GALNT2: variants seen among roughly 807,000 people sequenced by gnomAD.
GALNT2 encodes the protein UDP-GalNAc:polypeptide N-acetylgalactosaminyltransferase 2.
A neutral mutation model predicts 81.4 loss-of-function variants in GALNT2; 31 were observed. The ratio of observed to expected loss-of-function variants is 0.38; its 90% CI spans 0.29 to 0.51. The LOEUF is 0.51. Among genes scored for constraint, GALNT2 ranks in the 20% least tolerant of loss-of-function variants. GALNT2 has a pLI of 0.87. For synonymous variants in GALNT2, 303 were observed against 287.4 expected, an observed-to-expected ratio of 1.05 and a Z score of -0.55; for missense variants, 629 against 765.7, an observed-to-expected ratio of 0.82 and a Z score of 2.11.
intron 1 of GALNT2, among the ~76,000 whole-genome samples, chr1:230,160,064 G>A (rs1211241505): frequency 6.6e-6 from 1 of 152,150 alleles, no homozygotes; most frequent in African/African-American, 2.4e-5. Flanking sequence ...TCTGCTCACT[G>A]ATCAGACGAT....
Position 230,197,137 on chromosome 1 carries a change from G to A in GALNT2, c.221-6000G>A, listed in dbSNP as rs535695728. ...CTCCACCTGACATGGGACCTGTCTCGCATCTCCCCCTGCCTGAAACAAGCA... is the reference window on the plus strand; with the variant it reads ...CTCCACCTGACATGGGACCTGTCTCACATCTCCCCCTGCCTGAAACAAGCA... On this transcript the variant is annotated intron_variant, in intron 2 of 15. Coordinates refer to ENST00000366672, the MANE Select transcript of GALNT2 (RefSeq NM_004481.5). Among the ~76,000 whole-genome samples, 6 of 152,064 alleles carry A rather than the reference G, an allele frequency of 3.9e-5. 1 individual carries two copies. The highest frequency in any genetic ancestry group is 1.2e-4 in the African/African-American group (5 of 41,460).
At chr1:230,120,861 C>T (rs955463198) in intron 1 of GALNT2, among the ~76,000 whole-genome samples, 2 of 152,186 alleles carry the variant, frequency 1.3e-5, no homozygotes, top group Admixed American at 6.5e-5. Context: ...CTGCTTCCAC[C>T]CCTTGGATAA....
chr1:230,089,372 G>A (rs1299727091), intron 1 of GALNT2, among the ~76,000 whole-genome samples: 2 of 151,898 alleles, frequency 1.3e-5, no homozygotes, highest in Non-Finnish European at 2.9e-5. Flanking sequence ...TGTTGGCCAG[G>A]CTGGTCTTGA....
At chr1:230,241,298 A>G (rs542684530) in intron 6 of GALNT2, among the ~76,000 whole-genome samples, 2 of 152,230 alleles carry the variant, frequency 1.3e-5, no homozygotes, top group African/African-American at 4.8e-5. Flanking sequence ...TGTGGATGAT[A>G]TGTTGTAGAA....
At chr1:230,216,896 C>T (rs1375552817) in intron 3 of GALNT2, among the ~76,000 whole-genome samples, 1 of 152,166 alleles carries the variant, frequency 6.6e-6, no homozygotes, top group African/African-American at 2.4e-5. Flanking sequence ...ATCCACACCT[C>T]TTTGGAAATT....
intron 1 of GALNT2, among the ~76,000 whole-genome samples, chr1:230,093,069 C>G (rs1660142849): frequency 6.6e-6 from 1 of 152,194 alleles, no homozygotes; most frequent in African/African-American, 2.4e-5. Flanking sequence ...CGATTGTGCT[C>G]TAGTCCCCCT....
At chr1:230,101,665 G>C (rs1660407117) in intron 1 of GALNT2, among the ~76,000 whole-genome samples, 1 of 152,236 alleles carries the variant, frequency 6.6e-6, no homozygotes. Flanking sequence ...AACAACATAA[G>C]AGTGATGGAG....
intron 3 of GALNT2, among the ~76,000 whole-genome samples, chr1:230,215,537 AAAAACACCTGAGTGTTT>A (rs1664363360): frequency 6.6e-6 from 1 of 152,250 alleles, no homozygotes; most frequent in Non-Finnish European, 1.5e-5. Context: ...TGGAAGCAGG[AAAAACACCTGAGTGTTT>A]TATTTGGAAT....
intron 2 of GALNT2, among the ~76,000 whole-genome samples, chr1:230,192,070 C>T (rs1663545043): frequency 6.6e-6 from 1 of 152,240 alleles, no homozygotes; most frequent in South Asian, 2.1e-4. Context: ...TCAGTCACTC[C>T]AGGGTGGAGA....
At chr1:230,166,292 CTTGT>C (rs879846424) in intron 1 of GALNT2, among the ~76,000 whole-genome samples, 3 of 152,272 alleles carry the variant, frequency 2.0e-5, no homozygotes, top group African/African-American at 4.8e-5. Context: ...CTATGTATTT[CTTGT>C]TTGTTAGGAA....
At chr1:230,134,053 C>T (rs1469172587) in intron 1 of GALNT2, among the ~76,000 whole-genome samples, 1 of 151,192 alleles carries the variant, frequency 6.6e-6, no homozygotes, top group Non-Finnish European at 1.5e-5. Context: ...TTACATATTA[C>T]TCTGATACTT....
At chr1:230,108,600 G>A in intron 1 of GALNT2, among the ~76,000 whole-genome samples, 1 of 152,232 alleles carries the variant, frequency 6.6e-6, no homozygotes, top group Non-Finnish European at 1.5e-5. Context: ...GACACTGTAA[G>A]TTGGAAACAT....
intron 1 of GALNT2, among the ~76,000 whole-genome samples, chr1:230,164,298 T>C (rs558620558): frequency 1.3e-5 from 2 of 152,302 alleles, no homozygotes; most frequent in African/African-American, 4.8e-5. Flanking sequence ...TCTCTCCTTG[T>C]GTGTGTGATT....
chr1:230,137,901 C>G (rs116540865), intron 1 of GALNT2, among the ~76,000 whole-genome samples: 1 of 152,194 alleles, frequency 6.6e-6, no homozygotes, highest in Non-Finnish European at 1.5e-5. Context: ...TCCTTCAAGT[C>G]TTTAAACAGC....
At position 230,243,319 on chromosome 1, in the gene GALNT2, A is replaced by G. The variant is rs772780493; in HGVS notation, c.621A>G (p.Ser207=). ...TCGCCTCTGCAGGCCTCATGCGCTC[A>G]CGGGTTCGGGGGGCCGATGCTGCCC... The part of the protein sequence containing the change: ...RNDRREGLMR[S]RVRGADAAQA... The change falls in exon 7 of 16, where the codon TCA becomes TCG. Residue 207 remains serine, a synonymous_variant. Transcript: ENST00000366672. The surrounding 1 kb of genome is among the most constrained non-coding windows in gnomAD (Gnocchi z 4.2). The G allele has an allele frequency of 1.2e-6, 2 of 1,606,422 alleles. No homozygotes were observed. Among genetic ancestry groups the G allele is most frequent in the Non-Finnish European group, 1.7e-6 (2 of 1,178,868 alleles).
chr1:230,121,728 C>T (rs55697424), intron 1 of GALNT2, among the ~76,000 whole-genome samples: 24,973 of 151,976 alleles, frequency 0.16, 2,138 homozygotes, highest in South Asian at 0.23. Flanking sequence ...GGAGTCAGTC[C>T]CTTCAGCAGC....
chr1:230,199,486 C>T (rs1663818293), intron 2 of GALNT2, among the ~76,000 whole-genome samples: 1 of 152,064 alleles, frequency 6.6e-6, no homozygotes. Flanking sequence ...CGAGAGATAC[C>T]TAAAACAAAA....
At chr1:230,181,839 C>T (rs1663170264) in intron 2 of GALNT2, among the ~76,000 whole-genome samples, 1 of 152,140 alleles carries the variant, frequency 6.6e-6, no homozygotes, top group Admixed American at 6.5e-5. Context: ...AAATGTGGGT[C>T]AGAATTCATC....
chr1:230,256,888 G>T (rs545971093), intron 11 of GALNT2, among the ~76,000 whole-genome samples: 210 of 152,312 alleles, frequency 1.4e-3, no homozygotes, highest in Non-Finnish European at 2.7e-3. Context: ...AGGACAAGCA[G>T]TAGGAGAGGT....
Sources: allele counts gnomAD v4.1 joint callset (sites outside exome capture counted in the v4.1 genomes callset), GRCh38; gene constraint gnomAD v4.1.1; non-coding constraint Gnocchi (gnomAD v3.1); transcripts MANE v1.5; gene names NCBI Gene and HGNC (gene_info 2026-07-23, HGNC 2026-07-21).